Variants in DYNC1I1 observed in about 807,000 individuals in gnomAD.
DYNC1I1 encodes dynein cytoplasmic 1 intermediate chain 1, also known as cytoplasmic dynein 1 intermediate chain 1.
Under a neutral mutation model 86.6 loss-of-function variants are expected in DYNC1I1, and 43 were observed. The ratio of observed to expected loss-of-function variants is 0.50; its 90% CI spans 0.39 to 0.64. DYNC1I1 has a LOEUF of 0.64. Among genes scored for constraint, DYNC1I1 ranks in the 30% least tolerant of loss-of-function variants. The pLI is 0.00. For synonymous variants in DYNC1I1, 262 were observed against 283.7 expected, an observed-to-expected ratio of 0.92 and a Z score of 0.77; for missense variants, 604 against 788.8, an observed-to-expected ratio of 0.77 and a Z score of 2.81.
At chr7:95,894,227 C>A (rs924518270) in intron 6 of DYNC1I1, among the ~76,000 whole-genome samples, 27 of 151,784 alleles carry the variant, frequency 1.8e-4, no homozygotes, top group Admixed American at 3.3e-4. Flanking sequence ...AAATTTGTGT[C>A]TCACAATTCT....
intron 1 of DYNC1I1, among the ~76,000 whole-genome samples, chr7:95,787,933 A>C (rs1353419198): frequency 6.6e-6 from 1 of 152,194 alleles, no homozygotes; most frequent in Non-Finnish European, 1.5e-5. Context: ...GAAAATGCGT[A>C]ACAGGCAGAG....
At chr7:95,846,617 ATC>A (rs71739811) in intron 5 of DYNC1I1, among the ~76,000 whole-genome samples, 1,952 of 121,328 alleles carry the variant, frequency 0.016, 42 homozygotes, top group African/African-American at 0.047. Context: ...TAAATGATAA[ATC>A]TCTCTCTCTG....
Position 96,077,239 on chromosome 7 carries a change from T to TTGTGTGTGTGTG in DYNC1I1, c.1650+1069_1650+1080dup, listed in dbSNP as rs3047672. Among the ~76,000 whole-genome samples, 299 of 144,536 alleles carry TTGTGTGTGTGTG rather than the reference T, an allele frequency of 2.1e-3. 3 individuals carry two copies. Among genetic ancestry groups the TTGTGTGTGTGTG allele is most frequent in the African/African-American group, 6.6e-3 (255 of 38,784 alleles). The allele number at this position is 144,536 out of a possible 152,430, so 94.8% of individuals were successfully genotyped here. On this transcript the variant is annotated intron_variant, in intron 15 of 16. Coordinates refer to ENST00000447467, the MANE Select transcript of DYNC1I1 (RefSeq NM_001135556.2). Reference sequence around the variant, plus strand: ...GAGGAGGAGCACACTTCCCTAGTATTTGTGTGTGTGTGTGTGTGTGTGTGT... The same window carrying TTGTGTGTGTGTG: ...GAGGAGGAGCACACTTCCCTAGTATTTGTGTGTGTGTGTGTGTGTGTGTGTGTGTGTGTGTGT...
chr7:95,945,266 G>A (rs1792367782), intron 6 of DYNC1I1, among the ~76,000 whole-genome samples: 3 of 151,696 alleles, frequency 2.0e-5, no homozygotes. Flanking sequence ...AAAAACTAAT[G>A]TTTATTTTCT....
chr7:95,910,245 G>A (rs1227950505), intron 6 of DYNC1I1, among the ~76,000 whole-genome samples: 41 of 152,000 alleles, frequency 2.7e-4, no homozygotes, highest in Admixed American at 2.7e-3. Context: ...TACCTTTCAT[G>A]TCATTCCCAG....
intron 13 of DYNC1I1, among the ~76,000 whole-genome samples, chr7:96,036,711 C>T (rs1335634491): frequency 1.3e-5 from 2 of 152,104 alleles, no homozygotes; most frequent in Admixed American, 6.6e-5. Context: ...AAAAGCTTTC[C>T]TCCCAGTCAG....
rs183786834 is a variant in DYNC1I1, at chr7:96,000,785, A to G, written c.969+4712A>G. ...TGAAGAAGCAGAAGTGATCACTGGG[A>G]CACATCTGGGGAAGTTAGAATTATC... is the stretch of plus-strand genomic sequence containing the variant. On this transcript the variant is annotated intron_variant, in intron 10 of 16. Transcript: ENST00000447467. Among the ~76,000 whole-genome samples, 695 of 152,282 alleles carry G rather than the reference A, an allele frequency of 4.6e-3. 3 individuals are homozygous for G. Among genetic ancestry groups the G allele is most frequent in the African/African-American group, 0.016 (656 of 41,574 alleles).
intron 10 of DYNC1I1, among the ~76,000 whole-genome samples, chr7:96,004,497 A>G (rs955106599): frequency 6.6e-6 from 1 of 152,178 alleles, no homozygotes; most frequent in African/African-American, 2.4e-5. Flanking sequence ...TGCTTCTTCA[A>G]TAACTTTGTC....
At chr7:96,003,180 G>A (rs2115802659) in intron 10 of DYNC1I1, among the ~76,000 whole-genome samples, 1 of 152,274 alleles carries the variant, frequency 6.6e-6, no homozygotes, top group East Asian at 1.9e-4. Flanking sequence ...GTTATACTAT[G>A]TGTATGGCTT....
At chr7:95,973,793 G>A (rs1399711825) in intron 6 of DYNC1I1, among the ~76,000 whole-genome samples, 2 of 152,158 alleles carry the variant, frequency 1.3e-5, no homozygotes, top group African/African-American at 4.8e-5. Context: ...TGTGAAAGAT[G>A]AGAACTTGTT....
intron 16 of DYNC1I1, among the ~76,000 whole-genome samples, chr7:96,082,313 T>TTTTCTTCC (rs1281007967): frequency 2.6e-5 from 4 of 152,148 alleles, no homozygotes; most frequent in African/African-American, 4.8e-5. Flanking sequence ...TCTCTCTTTC[T>TTTTCTTCC]TTTCTTCCTT....
chr7:95,804,025 C>T (rs374399697), intron 1 of DYNC1I1, among the ~76,000 whole-genome samples: 3 of 152,126 alleles, frequency 2.0e-5, no homozygotes, highest in East Asian at 1.9e-4. Context: ...TCACAAACAC[C>T]CTTTGCTTTG....
intron 6 of DYNC1I1, among the ~76,000 whole-genome samples, chr7:95,895,787 G>A (rs987865727): frequency 6.6e-6 from 1 of 152,158 alleles, no homozygotes; most frequent in African/African-American, 2.4e-5. Flanking sequence ...ATTTAAGAAT[G>A]TATTCCAATA....
At chr7:95,960,175 C>T (rs144559113) in intron 6 of DYNC1I1, among the ~76,000 whole-genome samples, 1 of 152,250 alleles carries the variant, frequency 6.6e-6, no homozygotes, top group East Asian at 1.9e-4. Context: ...GGTGCTATTT[C>T]AGCTCACTGC....
chr7:95,945,211 GA>G (rs1194798755), intron 6 of DYNC1I1, among the ~76,000 whole-genome samples: 1 of 151,934 alleles, frequency 6.6e-6, no homozygotes, highest in Non-Finnish European at 1.5e-5. Flanking sequence ...TTTGGAGGTA[GA>G]GGGGGGAAAA....
intron 6 of DYNC1I1, among the ~76,000 whole-genome samples, chr7:95,874,979 C>T (rs1298543438): frequency 1.3e-5 from 2 of 152,180 alleles, no homozygotes; most frequent in Non-Finnish European, 2.9e-5. Context: ...CTCTGTTAGG[C>T]TCATGATTTA....
intron 1 of DYNC1I1, among the ~76,000 whole-genome samples, chr7:95,792,260 A>G (rs1029365841): frequency 6.6e-6 from 1 of 152,196 alleles, no homozygotes; most frequent in African/African-American, 2.4e-5. Context: ...TGAGGGGTGC[A>G]TGATCCAGTC....
chr7:96,016,307 T>G lies in DYNC1I1; in HGVS notation c.970-11868T>G, dbSNP rs533009130. 2.8e-4 allele frequency among the ~76,000 whole-genome samples: 43 copies of G among 152,092 alleles called. No homozygotes were observed. The South Asian group carries it at 8.3e-3, about 29-fold the overall frequency. On this transcript the variant is annotated intron_variant, in intron 10 of 16. Coordinates refer to ENST00000447467, the MANE Select transcript of DYNC1I1 (RefSeq NM_001135556.2). ...TGCTTAGTAGAACACTTTAGGTTTT[T>G]TTTTTTTTTTTTAATGGTCTCTCTA...
intron 10 of DYNC1I1, among the ~76,000 whole-genome samples, chr7:96,012,595 A>C (rs1794302124): frequency 1.3e-5 from 2 of 152,200 alleles, no homozygotes; most frequent in South Asian, 4.1e-4. Flanking sequence ...ACTCAGGTGA[A>C]CATGAGCTCG....
Sources: gnomAD v4.1 joint callset for allele counts (sites outside exome capture counted in the v4.1 genomes callset) on GRCh38, gnomAD v4.1.1 for gene constraint, MANE v1.5 for transcripts, NCBI Gene and HGNC (gene_info 2026-07-23, HGNC 2026-07-21) for gene names.